Variants in ACYP2 observed in about 807,000 individuals in gnomAD.
The protein encoded by ACYP2 is acylphosphatase-2.
Under a neutral mutation model 11.2 loss-of-function variants are expected in ACYP2, and 12 were observed. The ratio of observed to expected loss-of-function variants is 1.08; its 90% confidence interval spans 0.69 to 1.74. The LOEUF is 1.74. Among genes scored for constraint, ACYP2 ranks in the 40% most tolerant of loss-of-function variants. The pLI is 0.00. For missense variants in ACYP2, 134 were observed against 101.9 expected, an observed-to-expected ratio of 1.31 and a Z score of -1.35; for synonymous variants, 43 against 32.2, an observed-to-expected ratio of 1.33 and a Z score of -1.13.
chr2:54,286,231 A>C, intron 6 of ACYP2, among the ~76,000 whole-genome samples: 1 of 152,006 alleles, frequency 6.6e-6, no homozygotes, highest in East Asian at 1.9e-4. Context: ...TTGGCAATGC[A>C]GTACATTGTA....
intron 6 of ACYP2, among the ~76,000 whole-genome samples, chr2:54,192,518 TTGATA>T (rs1684279706): frequency 6.6e-6 from 1 of 152,228 alleles, no homozygotes; most frequent in Non-Finnish European, 1.5e-5. Flanking sequence ...TCCAGTTTTA[TTGATA>T]TAAGTTTCTA....
chr2:54,022,591 G>A (rs11688581), intron 2 of ACYP2, among the ~76,000 whole-genome samples: 10,213 of 152,036 alleles, frequency 0.067, 434 homozygotes, highest in Non-Finnish European at 0.094. Context: ...TGTTGCACAG[G>A]GTGGTCTTGA....
At chr2:54,271,959 C>T (rs1037960194) in intron 6 of ACYP2, among the ~76,000 whole-genome samples, 3 of 152,062 alleles carry the variant, frequency 2.0e-5, no homozygotes, top group African/African-American at 7.2e-5. Context: ...TCTGTTGTCA[C>T]GAAGTGAATG....
chr2:54,197,940 T>TG (rs1275581144), intron 6 of ACYP2, among the ~76,000 whole-genome samples: 66 of 75,522 alleles, frequency 8.7e-4, no homozygotes, highest in East Asian at 3.0e-3. Flanking sequence ...TATGTATGTA[T>TG]TATATTGTAT....
intron 6 of ACYP2, among the ~76,000 whole-genome samples, chr2:54,205,181 C>G (rs1420921604): frequency 6.6e-6 from 1 of 152,184 alleles, no homozygotes; most frequent in Non-Finnish European, 1.5e-5. Context: ...AGTATGTATT[C>G]TCAAGCACCT....
chr2:54,233,664 T>C (rs1686342666), intron 6 of ACYP2, among the ~76,000 whole-genome samples: 1 of 152,096 alleles, frequency 6.6e-6, no homozygotes, highest in East Asian at 1.9e-4. Context: ...CTCCTACCCC[T>C]GCTCCACACC....
chr2:54,042,548 G>C (rs946353139), intron 2 of ACYP2, among the ~76,000 whole-genome samples: 1 of 152,206 alleles, frequency 6.6e-6, no homozygotes. Flanking sequence ...GTAGATGCTG[G>C]AGAGTGACTC....
intron 6 of ACYP2, chr2:54,255,366 C>T (rs372937006): frequency 1.2e-6 from 2 of 1,614,164 alleles, no homozygotes; most frequent in African/African-American, 1.3e-5. Flanking sequence ...TCATGGCAGA[C>T]AGCTGTGGGT....
chr2:53,980,061 A>T (rs943676499), intron 2 of ACYP2, among the ~76,000 whole-genome samples: 1 of 152,100 alleles, frequency 6.6e-6, no homozygotes, highest in Non-Finnish European at 1.5e-5. Context: ...AAAAGTTCAT[A>T]GCTGGGCACC....
chr2:54,012,448 T>C (rs1264846576), intron 2 of ACYP2, among the ~76,000 whole-genome samples: 1 of 152,196 alleles, frequency 6.6e-6, no homozygotes. Flanking sequence ...CCCAGGAGGT[T>C]GAGGCTGCAG....
chr2:54,065,933 C>G (rs941431534), intron 4 of ACYP2: 2 of 158,024 alleles, frequency 1.3e-5, no homozygotes, highest in Non-Finnish European at 2.8e-5. Flanking sequence ...CCTCTTCTTT[C>G]AAACATGACT....
chr2:54,149,248 G>GA (rs1166490705), intron 6 of ACYP2, among the ~76,000 whole-genome samples: 5 of 152,168 alleles, frequency 3.3e-5, no homozygotes, highest in African/African-American at 1.2e-4. Flanking sequence ...TGAAAATGTG[G>GA]AATACAACAG....
chr2:53,992,454 G>A (rs761478599), intron 2 of ACYP2, among the ~76,000 whole-genome samples: 15 of 152,202 alleles, frequency 9.9e-5, no homozygotes, highest in African/African-American at 1.7e-4. Context: ...ATTAGGAGGC[G>A]TTTTCAGCAA....
chr2:54,292,669 TACAC>T (rs3071218), intron 6 of ACYP2, among the ~76,000 whole-genome samples: 21,881 of 148,876 alleles, frequency 0.15, 1,965 homozygotes, highest in East Asian at 0.35. Context: ...TATATATGTA[TACAC>T]ACACACACAC....
chr2:54,173,045 C>A (rs1470453254), intron 6 of ACYP2, among the ~76,000 whole-genome samples: 1 of 152,158 alleles, frequency 6.6e-6, no homozygotes, highest in Non-Finnish European at 1.5e-5. Flanking sequence ...GTTTTATAAT[C>A]CTTTGGTTAT....
At chr2:54,072,531 T>TTTCC (rs1242816360) in intron 4 of ACYP2, among the ~76,000 whole-genome samples, 9 of 150,404 alleles carry the variant, frequency 6.0e-5, no homozygotes, top group Non-Finnish European at 8.9e-5. Flanking sequence ...TCTTTCTTTC[T>TTTCC]TTCCTTCCTT....
At chr2:54,195,444 A>G (rs937986927) in intron 6 of ACYP2, among the ~76,000 whole-genome samples, 13 of 152,164 alleles carry the variant, frequency 8.5e-5, no homozygotes, top group African/African-American at 2.9e-4. Context: ...TACTAGCTGA[A>G]ACAAAAGAGA....
In ACYP2 at chr2:54,214,480, C is replaced by A. The variant is rs111591718; in HGVS notation, c.404+75732C>A. Among the ~76,000 whole-genome samples, 616 of 152,292 alleles carry A rather than the reference C, an allele frequency of 4.0e-3. 6 individuals carry two copies. The highest frequency in any genetic ancestry group is 0.014 in the African/African-American group (588 of 41,560). Reference sequence around the variant, plus strand: ...TATGGCTAGCCAGTTATCTCAGCACCACTTATCGAATAGGGAGTCCTTTTC... The same window carrying A: ...TATGGCTAGCCAGTTATCTCAGCACAACTTATCGAATAGGGAGTCCTTTTC... On this transcript the variant is annotated intron_variant, in intron 6 of 6. Transcript: ENST00000607452.
In ACYP2 at chr2:54,152,420, G is replaced by A. The variant is rs190885079; in HGVS notation, c.404+13672G>A. Among the ~76,000 whole-genome samples, 190 of 152,248 alleles carry A rather than the reference G, an allele frequency of 1.2e-3. 1 individual carries two copies. The highest frequency in any genetic ancestry group is 4.2e-3 in the African/African-American group (174 of 41,538). On this transcript the variant is annotated intron_variant, in intron 6 of 6. Transcript: ENST00000607452. ...ATTACTGGCATGAGCCACTGTGCCTGTCCAGAGTTCACTTGTGATGTTGTA... is the reference window on the plus strand; with the variant it reads ...ATTACTGGCATGAGCCACTGTGCCTATCCAGAGTTCACTTGTGATGTTGTA...
Sources: gnomAD v4.1 joint callset for allele counts (sites outside exome capture counted in the v4.1 genomes callset) on GRCh38, gnomAD v4.1.1 for gene constraint, MANE v1.5 for transcripts, NCBI Gene and HGNC (gene_info 2026-07-23, HGNC 2026-07-21) for gene names.